The following CDK6 variants were observed in gnomAD, a reference collection of about 807,000 sequenced individuals.
The protein encoded by CDK6 is cyclin-dependent kinase 6.
A neutral mutation model predicts 37.1 loss-of-function variants in CDK6; 6 were observed. That is an observed-to-expected ratio of 0.16 (90% confidence interval 0.09 to 0.32). The LOEUF is 0.32. Among genes scored for constraint, CDK6 ranks in the 10% least tolerant of loss-of-function variants. The pLI is 1.00. For synonymous variants in CDK6, 160 were observed against 161.3 expected (o/e 0.99, Z 0.06); for missense variants, 224 against 418.9 (o/e 0.53, Z 4.06).
rs1795486459 is a variant in CDK6, at chr7:92,608,602, GAC to G, written c.*6536_*6537del. On this transcript the variant is annotated 3_prime_UTR_variant, in exon 8 of 8. Coordinates refer to ENST00000424848, the MANE Select transcript of CDK6 (RefSeq NM_001145306.2). ...CTTAGCGCCTGAGAGATGCGGGGTA[GAC>G]AGCTTCACACAGGGCAGCTGCTACC... The G allele has an allele frequency of 4.3e-6, 1 of 232,250 alleles. No individual in the cohort carries two copies. The highest frequency in any genetic ancestry group is 2.2e-5 in the African/African-American group (1 of 45,302). 14.4% of individuals were successfully genotyped at this position (232,250 alleles called of 1,614,324 possible).
At chr7:92,731,752 T>TA (rs556695733) in intron 3 of CDK6, among the ~76,000 whole-genome samples, 1,501 of 139,102 alleles carry the variant, frequency 0.011, 17 homozygotes, top group African/African-American at 0.036. Flanking sequence ...TAACTGGAAA[T>TA]AAAAAAAAAA....
intron 2 of CDK6, among the ~76,000 whole-genome samples, chr7:92,793,805 A>T (rs959127018): frequency 6.6e-6 from 1 of 152,132 alleles, no homozygotes; most frequent in Non-Finnish European, 1.5e-5. Context: ...CAGAGTAGGC[A>T]AATCTACAGA....
chr7:92,815,716 G>C (rs1393705652), intron 2 of CDK6, among the ~76,000 whole-genome samples: 1 of 152,128 alleles, frequency 6.6e-6, no homozygotes, highest in Non-Finnish European at 1.5e-5. Flanking sequence ...AGGCCAAAGT[G>C]GCTAAAATTT....
chr7:92,728,984 T>C (rs1798579197), intron 3 of CDK6, among the ~76,000 whole-genome samples: 1 of 152,142 alleles, frequency 6.6e-6, no homozygotes, highest in Non-Finnish European at 1.5e-5. Context: ...CCAACCTTTA[T>C]TGCAATACCT....
chr7:92,746,924 A>G (rs1047331872), intron 3 of CDK6, among the ~76,000 whole-genome samples: 2 of 152,092 alleles, frequency 1.3e-5, no homozygotes, highest in Admixed American at 1.3e-4. Context: ...ATCAGTATCA[A>G]TTTTGCTGGA....
rs1034273602 is a variant in CDK6, at chr7:92,736,340, A to G, written c.370-10547T>C. On this transcript the variant is annotated intron_variant, in intron 3 of 7. Coordinates refer to ENST00000424848, the MANE Select transcript of CDK6 (RefSeq NM_001145306.2). Reference sequence around the variant, plus strand: ...CCTACTATGTGTAAGGCATTGTGTCAGGTGATGCTACACGGAAGCACCTGA... The same window carrying G: ...CCTACTATGTGTAAGGCATTGTGTCGGGTGATGCTACACGGAAGCACCTGA... Among the ~76,000 whole-genome samples, 6 of 152,224 alleles carry G rather than the reference A, an allele frequency of 3.9e-5. No individual in the cohort carries two copies. The East Asian group carries it at 1.2e-3, about 29-fold the overall frequency.
At chr7:92,635,818 T>G (rs1796157571) in intron 5 of CDK6, among the ~76,000 whole-genome samples, 1 of 152,170 alleles carries the variant, frequency 6.6e-6, no homozygotes, top group African/African-American at 2.4e-5. Context: ...AAGAAAACTT[T>G]ATAGATGATG....
chr7:92,654,762 C>T (rs1168853037), intron 5 of CDK6, among the ~76,000 whole-genome samples: 1 of 152,086 alleles, frequency 6.6e-6, no homozygotes, highest in African/African-American at 2.4e-5. Flanking sequence ...CCTTGTGTTT[C>T]TGAAACAAGG....
chr7:92,684,869 A>G (rs1797413455), intron 4 of CDK6, among the ~76,000 whole-genome samples: 2 of 152,170 alleles, frequency 1.3e-5, no homozygotes, highest in African/African-American at 4.8e-5. Flanking sequence ...AAAAAAAATC[A>G]TATTACTTGA....
chr7:92,640,804 T>TCACTATTC (rs1325249771), intron 5 of CDK6, among the ~76,000 whole-genome samples: 3 of 152,210 alleles, frequency 2.0e-5, no homozygotes, highest in Non-Finnish European at 4.4e-5. Flanking sequence ...ATGCTTTGTA[T>TCACTATTC]CACTATTCCA....
At chr7:92,680,973 A>G (rs766677229) in intron 4 of CDK6, among the ~76,000 whole-genome samples, 1 of 152,178 alleles carries the variant, frequency 6.6e-6, no homozygotes, top group Non-Finnish European at 1.5e-5. Context: ...CTTGGCCACA[A>G]TACATTTACA....
At chr7:92,772,509 T>C (rs1164550220) in intron 3 of CDK6, among the ~76,000 whole-genome samples, 1 of 151,862 alleles carries the variant, frequency 6.6e-6, no homozygotes, top group Non-Finnish European at 1.5e-5. Context: ...TGACATTCCC[T>C]TTCCTGGAGA....
At chr7:92,711,987 G>C (rs996779257) in intron 4 of CDK6, among the ~76,000 whole-genome samples, 4 of 152,002 alleles carry the variant, frequency 2.6e-5, no homozygotes, top group African/African-American at 7.2e-5. Flanking sequence ...AGGAGATCGA[G>C]ACCATCTTGG....
rs547709842 is a variant in CDK6, at chr7:92,720,838, T to C, written c.537+4788A>G. Among the ~76,000 whole-genome samples the C allele has an allele frequency of 1.8e-3, 269 of 152,314 alleles. 5 individuals are homozygous for C. The highest frequency in any genetic ancestry group is 5.0e-4 in the Non-Finnish European group (34 of 68,024). The stretch of plus-strand genomic sequence containing the variant: ...GTTGACTTCAGAGTGACTCTAAATA[T>C]AGTTTCAGCTAGTCACAACAGTCAT... On this transcript the variant is annotated intron_variant, in intron 4 of 7. Transcript: ENST00000424848.
intron 4 of CDK6, among the ~76,000 whole-genome samples, chr7:92,720,476 T>C (rs775937383): frequency 1.3e-5 from 2 of 152,204 alleles, no homozygotes; most frequent in Non-Finnish European, 2.9e-5. Flanking sequence ...ATGAAATGGT[T>C]GATAAAGAGT....
chr7:92,808,125 T>C (rs1320310773), intron 2 of CDK6, among the ~76,000 whole-genome samples: 1 of 152,206 alleles, frequency 6.6e-6, no homozygotes, highest in Non-Finnish European at 1.5e-5. Flanking sequence ...CCTCATATGG[T>C]ATTTTTCTTC....
At chr7:92,620,603 TG>T (rs1795786419) in intron 6 of CDK6, among the ~76,000 whole-genome samples, 2 of 152,166 alleles carry the variant, frequency 1.3e-5, no homozygotes, top group Non-Finnish European at 2.9e-5. Flanking sequence ...AACACAGAAA[TG>T]TTTTTCCCTT....
intron 4 of CDK6, among the ~76,000 whole-genome samples, chr7:92,719,707 A>G (rs1228254569): frequency 6.6e-6 from 1 of 152,210 alleles, no homozygotes; most frequent in African/African-American, 2.4e-5. Flanking sequence ...GAATAGCATT[A>G]AATGATTGTA....
At chr7:92,721,305 G>T (rs1798359782) in intron 4 of CDK6, among the ~76,000 whole-genome samples, 1 of 152,136 alleles carries the variant, frequency 6.6e-6, no homozygotes, top group Non-Finnish European at 1.5e-5. Context: ...ATTTAGTCAG[G>T]GAATTGCAAT....
Sources: gnomAD v4.1 joint callset for allele counts (sites outside exome capture counted in the v4.1 genomes callset) on GRCh38, gnomAD v4.1.1 for gene constraint, MANE v1.5 for transcripts, NCBI Gene and HGNC (gene_info 2026-07-23, HGNC 2026-07-21) for gene names.